KANK2: variants seen among roughly 807,000 people sequenced by gnomAD.
KANK2 encodes the protein KN motif and ankyrin repeat domains 2.
Under a neutral mutation model 74.6 loss-of-function variants are expected in KANK2, and 41 were observed. The observed-to-expected ratio is 0.55, with a 90% confidence interval of 0.43 to 0.71. The LOEUF (loss-of-function observed/expected upper bound fraction) is 0.71, where lower values mean the gene tolerates loss of function less well. Ranked by LOEUF, KANK2 falls within the 30% of genes least tolerant of loss-of-function variation. The pLI is 0.00. For synonymous variants in KANK2, 537 were observed against 519.0 expected (o/e 1.03, Z -0.47); for missense variants, 1,148 against 1,196.4 (o/e 0.96, Z 0.60).
intron 12 of KANK2, chr19:11,169,592 G>A: frequency 3.6e-6 from 2 of 549,624 alleles, no homozygotes; most frequent in Non-Finnish European, 6.4e-6. Context: ...CACGAGGTCA[G>A]GAGTTTGAGA....
In KANK2 at chr19:11,192,843, C is replaced by T. The variant is rs370150574; in HGVS notation, c.1237G>A (p.Asp413Asn). ...TGCGACCGCTTACCTGCTGCTCCATCGCAGCTTCGCTCTGTGATGCTAATC... is the reference window on the plus strand; with the variant it reads ...TGCGACCGCTTACCTGCTGCTCCATTGCAGCTTCGCTCTGTGATGCTAATC... ...KKISITERSC[D>N]GAAGLPEVPA... The change falls in exon 4 of 13, where the codon GAT (aspartate) becomes AAT (asparagine). Residue 413 changes from aspartate (D) to asparagine (N), a missense_variant. Coordinates refer to ENST00000586659, the MANE Select transcript of KANK2 (RefSeq NM_001136191.3). 3.7e-5 allele frequency: 59 copies of T among 1,591,520 alleles called. No individual in the cohort carries two copies. Among genetic ancestry groups the T allele is most frequent in the Admixed American group, 1.2e-4 (7 of 58,608 alleles).
rs532030880 is a variant in KANK2, at chr19:11,182,146, T to C, written c.1250-3426A>G. Among the ~76,000 whole-genome samples the C allele has an allele frequency of 1.2e-3, 186 of 151,330 alleles. 1 individual carries two copies. Among genetic ancestry groups the C allele is most frequent in the Admixed American group, 4.3e-3 (65 of 15,182 alleles). On this transcript the variant is annotated intron_variant, in intron 4 of 12. Transcript: ENST00000586659. ...GGCCAGGCTGGTCTTGAACTCCCAATCTCCAGTGATCCACCCGCCTCAGCC... is the reference window on the plus strand; with the variant it reads ...GGCCAGGCTGGTCTTGAACTCCCAACCTCCAGTGATCCACCCGCCTCAGCC...
In KANK2 at chr19:11,170,358, T is replaced by C; in HGVS notation, c.2212-110A>G. ...CATACTCTGATGGTGAAATGTACCC[T>C]CAACTTGCTGATCTCCTCCTGAATC... On this transcript the variant is annotated intron_variant, in intron 10 of 12. Transcript: ENST00000586659. This position sits in a 1 kb window ranked among gnomAD's most constrained non-coding sequence, Gnocchi z 5.2. 1.2e-6 allele frequency: 1 copy of C among 801,218 alleles called. No homozygotes were observed. The highest frequency in any genetic ancestry group is 2.0e-6 in the Non-Finnish European group (1 of 505,020). 49.6% of individuals were successfully genotyped at this position (801,218 alleles called of 1,614,324 possible). A position where few individuals can be genotyped will look rare whatever the true frequency, so the allele number is the denominator to read the frequency against.
chr19:11,175,708 C>T (rs907584728), intron 8 of KANK2, among the ~76,000 whole-genome samples, 194 bp downstream of exon 8: 2 of 152,184 alleles, frequency 1.3e-5, no homozygotes, highest in Non-Finnish European at 1.5e-5. Context: ...TGTTCATCCT[C>T]CAGCCTCTCC....
chr19:11,184,212 C>T (rs2078610550), intron 4 of KANK2, among the ~76,000 whole-genome samples: 1 of 150,232 alleles, frequency 6.7e-6, no homozygotes, highest in African/African-American at 2.4e-5. Flanking sequence ...CCAGTCTCTA[C>T]TGATAATACA....
Position 11,184,284 on chromosome 19 carries a change from G to A in KANK2, c.1250-5564C>T, listed in dbSNP as rs561974709. Reference sequence around the variant, plus strand: ...CCAGCTACTCGGGAGGATGAGGCAGGAGAATTGCTTGAACCTGGGAGGCAG... The same window carrying A: ...CCAGCTACTCGGGAGGATGAGGCAGAAGAATTGCTTGAACCTGGGAGGCAG... On this transcript the variant is annotated intron_variant, in intron 4 of 12. Transcript: ENST00000586659. Among the ~76,000 whole-genome samples the A allele has an allele frequency of 3.0e-4, 45 of 150,164 alleles. 3 individuals are homozygous for A. Among genetic ancestry groups the A allele is most frequent in the African/African-American group, 1.0e-3 (42 of 40,914 alleles).
chr19:11,170,537 G>T lies in KANK2; in HGVS notation c.2212-289C>A, dbSNP rs190262560. On this transcript the variant is annotated intron_variant, in intron 10 of 12. Transcript: ENST00000586659. This position sits in a 1 kb window ranked among gnomAD's most constrained non-coding sequence, Gnocchi z 5.2. ...GAGAACGTTCTGGAACTAGACGGAG[G>T]TGTTGGTTGCACAACAGGGTGAATG... is the stretch of plus-strand genomic sequence containing the variant. The T allele has an allele frequency of 1.2e-4, 58 of 503,130 alleles. No individual in the cohort carries two copies. Among genetic ancestry groups the T allele is most frequent in the Admixed American group, 6.0e-4 (17 of 28,350 alleles). The allele number at this position is 503,130 out of a possible 1,614,324, so 31.2% of individuals were successfully genotyped here.
At position 11,170,208 on chromosome 19, in the gene KANK2, C is replaced by T. The variant is rs182645582; in HGVS notation, c.2252G>A (p.Arg751Gln). The T allele has an allele frequency of 1.7e-4, 267 of 1,611,136 alleles. 1 individual carries two copies. In the Admixed American group the frequency reaches 4.0e-3, roughly 24 times the overall value. Reference sequence around the variant, plus strand: ...CAGCAGGGCTTTGACAACGTCCACCCGCCCGTGGCTGACGGCCAGCATCAG... The same window carrying T: ...CAGCAGGGCTTTGACAACGTCCACCTGCCCGTGGCTGACGGCCAGCATCAG... ...TALMLAVSHG[R>Q]VDVVKALLAC... The change falls in exon 11 of 13, where the codon CGG (arginine) becomes CAG (glutamine). Residue 751 changes from arginine to glutamine, a missense_variant. Coordinates refer to ENST00000586659, the MANE Select transcript of KANK2 (RefSeq NM_001136191.3). The surrounding 1 kb of genome is among the most constrained non-coding windows in gnomAD (Gnocchi z 5.2).
chr19:11,191,385 T>C (rs2078840587), intron 4 of KANK2, among the ~76,000 whole-genome samples: 1 of 152,170 alleles, frequency 6.6e-6, no homozygotes, highest in South Asian at 2.1e-4. Context: ...CCCAGGGACC[T>C]CAGGACAACC....
Position 11,166,508 on chromosome 19 carries a change from G to A in KANK2, c.*50C>T, listed in dbSNP as rs763285208. The A allele has an allele frequency of 3.3e-5, 51 of 1,550,256 alleles. No individual in the cohort carries two copies. The Admixed American group carries it at 7.7e-4, about 23-fold the overall frequency. ...GGAACGGGAACAGGGAGGAGACGGG[G>A]ACAAGGGACGGTTTGCTCCCGGTCT... On this transcript the variant is annotated 3_prime_UTR_variant, in exon 13 of 13. Coordinates refer to ENST00000586659, the MANE Select transcript of KANK2 (RefSeq NM_001136191.3).
chr19:11,181,941 G>A (rs1020262657), intron 4 of KANK2, among the ~76,000 whole-genome samples: 6 of 129,256 alleles, frequency 4.6e-5, no homozygotes, highest in South Asian at 2.5e-4. Flanking sequence ...TTTTTGAGAC[G>A]GAGTCTTGCT....
rs1011688527 is a variant in KANK2 at position 11,179,511 on chromosome 19, G to A, written c.1250-791C>T. Among the ~76,000 whole-genome samples the A allele has an allele frequency of 4.9e-5, 7 of 143,416 alleles. No individual in the cohort carries two copies. In the Admixed American group the frequency reaches 4.9e-4, roughly 10 times the overall value. 94.1% of individuals were successfully genotyped at this position (143,416 alleles called of 152,430 possible). On this transcript the variant is annotated intron_variant, in intron 4 of 12. Transcript: ENST00000586659. ...AATTAGCTGGGCGTGGTGGGGGGAT[G>A]CCTGTAATCCCAGCTACTCAGGAGG...
In KANK2 at chr19:11,193,997, G is replaced by A. The variant is rs2078942540; in HGVS notation, c.83C>T (p.Pro28Leu). ...ASPPAFPAKD[P>L]DPPYSVETPY... ...GGTCTCCACGGAGTAGGGTGGATCG[G>A]GGTCCTTGGCAGGGAAGGCAGGTGG... Residue 28 changes from proline (P) to leucine (L), a missense_variant, in exon 4 of 13, where the codon CCC becomes CTC. By Grantham distance (98) the Pro-to-Leu change is moderately conservative. Coordinates refer to ENST00000586659, the MANE Select transcript of KANK2 (RefSeq NM_001136191.3). This position sits in a 1 kb window ranked among gnomAD's most constrained non-coding sequence, Gnocchi z 9.6. 1 of 1,613,190 alleles carries A rather than the reference G, an allele frequency of 6.2e-7. No individual in the cohort carries two copies. Among genetic ancestry groups the A allele is most frequent in the Admixed American group, 1.7e-5 (1 of 59,890 alleles).
At chr19:11,191,300 A>G (rs1401205117) in intron 4 of KANK2, among the ~76,000 whole-genome samples, 4 of 152,204 alleles carry the variant, frequency 2.6e-5, no homozygotes, top group African/African-American at 9.6e-5. Flanking sequence ...CTTGGCCTCC[A>G]AAGTGTGGGA....
Position 11,166,479 on chromosome 19 carries a change from G to A in KANK2, c.*79C>T. On this transcript the variant is annotated 3_prime_UTR_variant, in exon 13 of 13. Transcript: ENST00000586659. ...TGGGGAGTGTGAGTGGGGTGGGCCA[G>A]GGAGGAACGGGAACAGGGAGGAGAC... 2 of 1,350,570 alleles carry A rather than the reference G, an allele frequency of 1.5e-6. No homozygotes were observed. Among genetic ancestry groups the A allele is most frequent in the South Asian group, 2.3e-5 (2 of 85,294 alleles). The allele number at this position is 1,350,570 out of a possible 1,614,324, so 83.7% of individuals were successfully genotyped here.
Position 11,170,890 on chromosome 19 carries a change from C to T in KANK2, c.2212-642G>A, listed in dbSNP as rs1303560001. 6.6e-6 allele frequency among the ~76,000 whole-genome samples: 1 copy of T among 152,116 alleles called. No individual in the cohort carries two copies. Among genetic ancestry groups the T allele is most frequent in the African/African-American group, 2.4e-5 (1 of 41,422 alleles). On this transcript the variant is annotated intron_variant, in intron 10 of 12. Transcript: ENST00000586659. The surrounding 1 kb of genome is among the most constrained non-coding windows in gnomAD (Gnocchi z 5.2). ...AGGCTGGAGTGCAGTGGCGCAATCT[C>T]GGCTCACTGCAACCTCCACCTCCTG... is the stretch of plus-strand genomic sequence containing the variant.
intron 12 of KANK2, among the ~76,000 whole-genome samples, chr19:11,167,108 T>C (rs1032147272): frequency 2.6e-5 from 4 of 152,122 alleles, no homozygotes; most frequent in Admixed American, 1.3e-4. Flanking sequence ...TCTTGTTGCC[T>C]AGGCTGGAGT....
chr19:11,179,317 C>CAAAA (rs34690548), intron 4 of KANK2, among the ~76,000 whole-genome samples: 72 of 97,316 alleles, frequency 7.4e-4, no homozygotes, highest in Non-Finnish European at 1.1e-3. Flanking sequence ...CCCTGCCTCT[C>CAAAA]AAAAAAAAAA....
chr19:11,180,662 G>A (rs1196071933), intron 4 of KANK2, among the ~76,000 whole-genome samples: 2 of 152,172 alleles, frequency 1.3e-5, no homozygotes, highest in African/African-American at 4.8e-5. Flanking sequence ...AACGCCAGTT[G>A]CTATGTCCCT....
Sources: allele counts gnomAD v4.1 joint callset (sites outside exome capture counted in the v4.1 genomes callset), GRCh38; gene constraint gnomAD v4.1.1; non-coding constraint Gnocchi (gnomAD v3.1); transcripts MANE v1.5; gene names NCBI Gene and HGNC (gene_info 2026-07-23, HGNC 2026-07-21).